Variants in SV2C observed in about 807,000 individuals in gnomAD.
SV2C encodes synaptic vesicle glycoprotein 2C.
Under a neutral mutation model 79.7 loss-of-function variants are expected in SV2C, and 49 were observed. That is an observed-to-expected ratio of 0.61 (90% confidence interval 0.49 to 0.78). SV2C has a LOEUF of 0.78. Ranked by LOEUF, SV2C falls within the 30% of genes least tolerant of loss-of-function variation. The pLI, the probability that SV2C is intolerant of heterozygous loss-of-function variation, is 0.00. For synonymous variants in SV2C, 334 were observed against 333.2 expected (o/e 1.00, Z -0.03); for missense variants, 833 against 912.9 (o/e 0.91, Z 1.13).
In SV2C at chr5:76,156,125, G is replaced by A. The variant is rs1248989831; in HGVS notation, c.580+23795G>A. 5.3e-5 allele frequency among the ~76,000 whole-genome samples: 8 copies of A among 152,178 alleles called. No individual in the cohort carries two copies. In the East Asian group the frequency reaches 7.7e-4, roughly 15 times the overall value. ...GAGTGAATCTTAAGCACTGGCCTTG[G>A]AAACTGTCTTTTCAAAGGAGCCAAA... On this transcript the variant is annotated intron_variant, in intron 2 of 12. Transcript: ENST00000502798.
chr5:76,184,609 A>G (rs1294310817), intron 2 of SV2C, among the ~76,000 whole-genome samples: 1 of 152,184 alleles, frequency 6.6e-6, no homozygotes, highest in Non-Finnish European at 1.5e-5. Context: ...GCGGCAGGAG[A>G]GAGAATGAGT....
At chr5:75,970,110 G>A in the SV2C span, among the ~76,000 whole-genome samples, 96 of 152,140 alleles carry the variant, frequency 6.3e-4, no homozygotes, top group African/African-American at 2.2e-3. Flanking sequence ...AAATAAAGAT[G>A]TTCTTTGAAA....
chr5:75,889,636 CA>C, the SV2C span, among the ~76,000 whole-genome samples: 2 of 152,092 alleles, frequency 1.3e-5, no homozygotes, highest in Admixed American at 1.3e-4. Context: ...AGATTATCTC[CA>C]AATACAATAC....
At chr5:76,215,815 G>A (rs1045005891) in intron 4 of SV2C, among the ~76,000 whole-genome samples, 1 of 152,036 alleles carries the variant, frequency 6.6e-6, no homozygotes, top group Non-Finnish European at 1.5e-5. Context: ...TGGATAATTG[G>A]CATCCACATT....
chr5:76,336,390 A>C (rs1162773626), downstream of SV2C, among the ~76,000 whole-genome samples: 4 of 147,784 alleles, frequency 2.7e-5, no homozygotes, highest in Non-Finnish European at 5.9e-5. Flanking sequence ...CCTGGCAGAG[A>C]CGCTCCTCAC....
chr5:75,929,102 C>T, the SV2C span, among the ~76,000 whole-genome samples: 2 of 152,080 alleles, frequency 1.3e-5, no homozygotes, highest in African/African-American at 2.4e-5. Context: ...TCCCTGGTGT[C>T]CCCAGCCCTG....
chr5:76,058,111 T>C, the SV2C span, among the ~76,000 whole-genome samples: 3 of 152,152 alleles, frequency 2.0e-5, no homozygotes, highest in Non-Finnish European at 4.4e-5. Flanking sequence ...TACTTTGAGC[T>C]GTGTCTTATG....
At chr5:75,868,423 A>G in the SV2C span, among the ~76,000 whole-genome samples, 2 of 152,174 alleles carry the variant, frequency 1.3e-5, no homozygotes, top group Non-Finnish European at 2.9e-5. Context: ...TCGGGCTACT[A>G]TGTGTGGATG....
intron 3 of SV2C, among the ~76,000 whole-genome samples, chr5:76,200,237 G>A (rs1221742279): frequency 6.6e-6 from 1 of 152,228 alleles, no homozygotes; most frequent in Non-Finnish European, 1.5e-5. Context: ...AATTGGAACA[G>A]ACCTACTCAG....
chr5:76,306,878 A>G (rs2937746), intron 12 of SV2C, among the ~76,000 whole-genome samples: 1 of 152,146 alleles, frequency 6.6e-6, no homozygotes, highest in Non-Finnish European at 1.5e-5. Context: ...TTCAGAGAAG[A>G]CAATATTTAA....
At chr5:76,195,130 A>T in intron 3 of SV2C, 31 bp downstream of exon 3, 1 of 1,602,622 alleles carries the variant, frequency 6.2e-7, no homozygotes, top group African/African-American at 1.4e-5. Context: ...TTTTATAGTA[A>T]TGTGTTTATT....
At chr5:76,033,591 T>C in the SV2C span, among the ~76,000 whole-genome samples, 1 of 152,238 alleles carries the variant, frequency 6.6e-6, no homozygotes, top group African/African-American at 2.4e-5. Context: ...GGCTCTGTTC[T>C]GTTCCATTGA....
the SV2C span, among the ~76,000 whole-genome samples, chr5:75,948,097 A>G: frequency 0.028 from 4,295 of 152,068 alleles, 207 homozygotes; most frequent in African/African-American, 0.097. Context: ...CTGTCCTGTT[A>G]TAGCATCCCT....
At chr5:75,944,203 G>A in the SV2C span, among the ~76,000 whole-genome samples, 7 of 152,096 alleles carry the variant, frequency 4.6e-5, no homozygotes, top group Admixed American at 2.0e-4. Context: ...ATTCTATGAT[G>A]TTGACTAAGA....
At chr5:76,050,510 T>C in the SV2C span, among the ~76,000 whole-genome samples, 2 of 152,234 alleles carry the variant, frequency 1.3e-5, no homozygotes, top group Non-Finnish European at 2.9e-5. Flanking sequence ...TGTTGGAATA[T>C]GCATGGATAA....
At chr5:75,963,756 C>A in the SV2C span, among the ~76,000 whole-genome samples, 1 of 152,044 alleles carries the variant, frequency 6.6e-6, no homozygotes, top group Admixed American at 6.6e-5. Flanking sequence ...TTCCTCACCT[C>A]CATTTTCTCT....
At chr5:76,045,338 G>A in the SV2C span, among the ~76,000 whole-genome samples, 4 of 152,182 alleles carry the variant, frequency 2.6e-5, no homozygotes, top group East Asian at 7.7e-4. Flanking sequence ...GTTAGAAGTT[G>A]GGCAGCATGA....
the SV2C span, among the ~76,000 whole-genome samples, chr5:75,974,597 C>T: frequency 6.6e-6 from 1 of 151,456 alleles, no homozygotes; most frequent in Non-Finnish European, 1.5e-5. Context: ...GTAATATGAA[C>T]AGTGATGGCA....
the SV2C span, chr5:75,920,964 G>C: frequency 1.4e-6 from 1 of 718,300 alleles, no homozygotes; most frequent in Admixed American, 1.9e-5. Context: ...CGGCCCCTGA[G>C]GAGGTGATGC....
Sources: allele counts gnomAD v4.1 joint callset (sites outside exome capture counted in the v4.1 genomes callset), GRCh38; gene constraint gnomAD v4.1.1; transcripts MANE v1.5; gene names NCBI Gene and HGNC (gene_info 2026-07-23, HGNC 2026-07-21).